The following DENND1A variants were observed in gnomAD, a reference collection of about 807,000 sequenced individuals.
The protein encoded by DENND1A is DENN domain-containing protein 1A.
Under a neutral mutation model 113.7 loss-of-function variants are expected in DENND1A, and 51 were observed. That is an observed-to-expected ratio of 0.45 (90% CI 0.36 to 0.57). The LOEUF is 0.57. Among genes scored for constraint, DENND1A ranks in the 20% least tolerant of loss-of-function variants. The pLI is 0.00. For missense variants in DENND1A, 1,258 were observed against 1,395.9 expected (o/e 0.90, Z 1.57); for synonymous variants, 565 against 570.8 (o/e 0.99, Z 0.14).
intron 2 of DENND1A, among the ~76,000 whole-genome samples, chr9:123,866,093 CAATGGAA>C (rs1398747306): frequency 6.6e-6 from 1 of 152,098 alleles, no homozygotes; most frequent in African/African-American, 2.4e-5. Flanking sequence ...CCTAACAAAC[CAATGGAA>C]AATGTGCTTT....
chr9:123,899,484 A>C (rs1287069925), intron 1 of DENND1A, among the ~76,000 whole-genome samples: 2 of 152,214 alleles, frequency 1.3e-5, no homozygotes, highest in Non-Finnish European at 2.9e-5. Context: ...CCCAATTTGC[A>C]TGAAAAAATA....
chr9:123,771,488 T>C (rs1228666200), intron 3 of DENND1A, among the ~76,000 whole-genome samples: 2 of 152,222 alleles, frequency 1.3e-5, no homozygotes. Flanking sequence ...TGCTCACTCA[T>C]TGCCAATATC....
rs541573420 is a variant in DENND1A, at chr9:123,723,988, G to A, written c.302+33715C>T. Among the ~76,000 whole-genome samples the A allele has an allele frequency of 2.6e-5, 4 of 152,276 alleles. No individual in the cohort carries two copies. The South Asian group carries it at 6.2e-4, about 24-fold the overall frequency. ...CCAATATTTATTGAAGGAATGAATA[G>A]GTGATACCTAACACCCACCATATTC... On this transcript the variant is annotated intron_variant, in intron 5 of 23. Transcript: ENST00000394215.
chr9:123,855,016 T>C (rs904696531), intron 2 of DENND1A, among the ~76,000 whole-genome samples: 4 of 151,226 alleles, frequency 2.6e-5, no homozygotes, highest in African/African-American at 9.9e-5. Flanking sequence ...AATGTAACCA[T>C]AGGTAAAACT....
chr9:123,841,051 T>G (rs1841754330), intron 2 of DENND1A, among the ~76,000 whole-genome samples: 1 of 152,190 alleles, frequency 6.6e-6, no homozygotes, highest in African/African-American at 2.4e-5. Flanking sequence ...CACCTTTACT[T>G]AAATATATAC....
chr9:123,652,836 C>A (rs2062732791), intron 8 of DENND1A, among the ~76,000 whole-genome samples: 1 of 152,102 alleles, frequency 6.6e-6, no homozygotes, highest in African/African-American at 2.4e-5. Context: ...AGCTTTTTTC[C>A]ACCCCTGTAG....
At chr9:123,910,389 A>G (rs887303767) in intron 1 of DENND1A, among the ~76,000 whole-genome samples, 1 of 152,238 alleles carries the variant, frequency 6.6e-6, no homozygotes, top group African/African-American at 2.4e-5. Flanking sequence ...ATAAATGTTA[A>G]GTCAAATGGA....
intron 13 of DENND1A, among the ~76,000 whole-genome samples, chr9:123,470,519 G>C (rs558914135): frequency 1.3e-5 from 2 of 152,336 alleles, no homozygotes; most frequent in African/African-American, 4.8e-5. Context: ...GCACTGGAGA[G>C]AGGACACGTG....
chr9:123,779,659 T>C (rs1830966886), intron 3 of DENND1A, among the ~76,000 whole-genome samples: 1 of 151,908 alleles, frequency 6.6e-6, no homozygotes, highest in African/African-American at 2.4e-5. Context: ...ACTACCACGC[T>C]TGGCTAATTT....
intron 1 of DENND1A, among the ~76,000 whole-genome samples, chr9:123,913,113 TAAAAAAAAAA>T (rs915063969): frequency 3.5e-5 from 3 of 86,712 alleles, no homozygotes; most frequent in Non-Finnish European, 7.0e-5. Flanking sequence ...AAAGACAGTT[TAAAAAAAAAA>T]AAAAAAAAAA....
intron 5 of DENND1A, among the ~76,000 whole-genome samples, chr9:123,693,456 A>G (rs936767293): frequency 2.6e-5 from 4 of 152,016 alleles, no homozygotes; most frequent in African/African-American, 9.7e-5. Flanking sequence ...TTTGTGGCCA[A>G]CCTTGCCTCC....
Position 123,382,199 on chromosome 9 carries a change from C to G in DENND1A, c.2446G>C (p.Gly816Arg). Residue 816 changes from glycine (G) to arginine (R), a missense_variant, in exon 24 of 24, where the codon GGT (glycine) becomes CGT (arginine). Gly to Arg is a moderately radical substitution (Grantham distance 125, BLOSUM62 -2). This residue lies in a region of DENND1A where 1,159 missense variants were observed against 1,231.7 expected (regional missense o/e 0.94). Transcript: ENST00000394215. The part of the protein sequence containing the change: ...RAALSPGLLP[G>R]VVPQGPTELL... Reference sequence around the variant, plus strand: ...TCAGTGGGGCCTTGGGGGACAACACCAGGCAGGAGCCCTGGACTCAGGGCA... The same window carrying G: ...TCAGTGGGGCCTTGGGGGACAACACGAGGCAGGAGCCCTGGACTCAGGGCA... 6.2e-7 allele frequency: 1 copy of G among 1,609,622 alleles called. No homozygotes were observed. Among genetic ancestry groups the G allele is most frequent in the Non-Finnish European group, 8.5e-7 (1 of 1,179,516 alleles).
intron 5 of DENND1A, among the ~76,000 whole-genome samples, chr9:123,690,575 G>T (rs573552548): frequency 6.6e-6 from 1 of 152,146 alleles, no homozygotes; most frequent in African/African-American, 2.4e-5. Flanking sequence ...ATATACGAAG[G>T]ATTTTTTCAT....
At chr9:123,749,552 T>G (rs1412531263) in intron 5 of DENND1A, among the ~76,000 whole-genome samples, 4 of 152,150 alleles carry the variant, frequency 2.6e-5, no homozygotes, top group Admixed American at 6.5e-5. Flanking sequence ...TTCATAAGAT[T>G]GCTATAAAAA....
At chr9:123,828,445 T>C (rs766576082) in intron 2 of DENND1A, among the ~76,000 whole-genome samples, 9 of 151,830 alleles carry the variant, frequency 5.9e-5, no homozygotes, top group Non-Finnish European at 1.0e-4. Context: ...AGAAAAAAGA[T>C]AGAAAGAGAA....
intron 5 of DENND1A, among the ~76,000 whole-genome samples, chr9:123,680,836 C>T (rs1208972314): frequency 6.6e-6 from 1 of 152,128 alleles, no homozygotes; most frequent in African/African-American, 2.4e-5. Context: ...TGGGACCAGG[C>T]AAGGTAGGTA....
rs547384124 is a variant in DENND1A, at chr9:123,699,671, C to T, written c.303-22882G>A. Among the ~76,000 whole-genome samples the T allele has an allele frequency of 2.7e-3, 404 of 149,750 alleles. 2 individuals carry two copies. The highest frequency in any genetic ancestry group is 4.7e-3 in the Non-Finnish European group (316 of 67,532). On this transcript the variant is annotated intron_variant, in intron 5 of 23. Coordinates refer to ENST00000394215, the MANE Select transcript of DENND1A (RefSeq NM_001352964.2). The stretch of plus-strand genomic sequence containing the variant: ...CCATCGACATTTTTTAATAGACTAC[C>T]CTTTCATTCTTTCTTTCTTTTTTTT...
At chr9:123,656,799 C>G (rs941359762) in intron 8 of DENND1A, among the ~76,000 whole-genome samples, 2 of 152,244 alleles carry the variant, frequency 1.3e-5, no homozygotes, top group Admixed American at 6.5e-5. Context: ...CTCTGTGTGA[C>G]TCACCTACTT....
intron 12 of DENND1A, among the ~76,000 whole-genome samples, chr9:123,562,270 C>T (rs2057802784): frequency 6.6e-6 from 1 of 152,202 alleles, no homozygotes; most frequent in African/African-American, 2.4e-5. Flanking sequence ...GGCTACTCTT[C>T]AGCCCATTTC....
Sources: allele counts gnomAD v4.1 joint callset (sites outside exome capture counted in the v4.1 genomes callset), GRCh38; gene constraint gnomAD v4.1.1; regional missense constraint gnomAD v4.1.1; transcripts MANE v1.5; gene names NCBI Gene and HGNC (gene_info 2026-07-23, HGNC 2026-07-21).